The following TRPM2 variants were observed in gnomAD, a reference collection of about 807,000 sequenced individuals.
TRPM2 encodes the protein estrogen-responsive element-associated gene 1 protein.
A neutral mutation model predicts 174.0 loss-of-function variants in TRPM2; 161 were observed. The ratio of observed to expected loss-of-function variants is 0.93; its 90% CI spans 0.81 to 1.05. TRPM2 has a LOEUF of 1.05. Among genes scored for constraint, TRPM2 ranks in the 50% least tolerant of loss-of-function variants. The probability of loss-of-function intolerance (pLI) is 0.00; values close to 1 mark genes in which losing one functional copy is unlikely to be tolerated. For synonymous variants in TRPM2, 954 were observed against 861.3 expected (o/e 1.11, Z -1.88); for missense variants, 2,057 against 2,038.0 (o/e 1.01, Z -0.18).
chr21:44,416,085 G>A (rs1389482924), intron 20 of TRPM2: 4 of 152,132 alleles, frequency 2.6e-5, no homozygotes, highest in African/African-American at 9.7e-5. Context: ...GCACGGCTGC[G>A]GAGCTGTCAT....
chr21:44,407,003 G>T (rs1352802444), intron 19 of TRPM2, among the ~76,000 whole-genome samples: 1 of 150,076 alleles, frequency 6.7e-6, no homozygotes, highest in East Asian at 2.0e-4. Flanking sequence ...CCACGCAGAG[G>T]TCAGAGTGGG....
intron 11 of TRPM2, 55 bp from the exon 12 acceptor site, chr21:44,395,359 A>G (rs1392413100): frequency 1.9e-6 from 3 of 1,593,104 alleles, no homozygotes; most frequent in Admixed American, 1.7e-5. Context: ...AGGCTCCGCC[A>G]GTGACTCTGA....
intron 19 of TRPM2, among the ~76,000 whole-genome samples, chr21:44,413,126 G>A (rs778443899): frequency 4.0e-5 from 6 of 149,936 alleles, no homozygotes; most frequent in South Asian, 2.1e-4. Flanking sequence ...ACAATCACCC[G>A]TTTCACTTGT....
chr21:44,360,052 G>C (rs549447703), intron 2 of TRPM2, among the ~76,000 whole-genome samples: 1 of 152,080 alleles, frequency 6.6e-6, no homozygotes, highest in South Asian at 2.1e-4. Context: ...AGCCTCATCT[G>C]AACTTTTCTA....
Position 44,366,615 on chromosome 21 carries a change from G to C in TRPM2, c.424-139G>C, listed in dbSNP as rs2048369099. 9.1e-6 allele frequency: 10 copies of C among 1,097,874 alleles called. No homozygotes were observed. Among genetic ancestry groups the C allele is most frequent in the Non-Finnish European group, 1.3e-5 (10 of 762,172 alleles). 68.0% of individuals were successfully genotyped at this position (1,097,874 alleles called of 1,614,324 possible). A position where few individuals can be genotyped will look rare whatever the true frequency, so the allele number is the denominator to read the frequency against. ...GTGATCTGTGCCCTGCCCACATGGG[G>C]ACCCCTTTTCTGGGTCTGAGCCGGA... On this transcript the variant is annotated intron_variant, in intron 3 of 31. Transcript: ENST00000397928. This position sits in a 1 kb window ranked among gnomAD's most constrained non-coding sequence, Gnocchi z 6.0.
At position 44,441,960 on chromosome 21, in the gene TRPM2, C is replaced by A; in HGVS notation, c.*143C>A. The A allele has an allele frequency of 8.1e-7, 1 of 1,238,724 alleles. No homozygotes were observed. Among genetic ancestry groups the A allele is most frequent in the Non-Finnish European group, 1.1e-6 (1 of 946,826 alleles). The allele number at this position is 1,238,724 out of a possible 1,614,324, so 76.7% of individuals were successfully genotyped here. On this transcript the variant is annotated 3_prime_UTR_variant, in exon 32 of 32. Coordinates refer to ENST00000397928, the MANE Select transcript of TRPM2 (RefSeq NM_003307.4). Reference sequence around the variant, plus strand: ...TTGGTGGACCCAGTGCCCCTCACGGCTGCCGCAAGTCTGCTGCAGATGACC... The same window carrying A: ...TTGGTGGACCCAGTGCCCCTCACGGATGCCGCAAGTCTGCTGCAGATGACC...
intron 27 of TRPM2, among the ~76,000 whole-genome samples, chr21:44,431,380 C>T (rs2051016391): frequency 6.6e-6 from 1 of 151,744 alleles, no homozygotes. Context: ...CTCAAGCTAT[C>T]CTCCTGCCTC....
chr21:44,381,069 G>A (rs2048866068), intron 8 of TRPM2, among the ~76,000 whole-genome samples: 1 of 152,094 alleles, frequency 6.6e-6, no homozygotes, highest in South Asian at 2.1e-4. Context: ...GTGTTTTGGA[G>A]TTGTCATGAA....
rs946102496 is a variant in TRPM2, at chr21:44,414,075, G to A, written c.3146+1G>A. Reference sequence around the variant, plus strand: ...TCAACCTCCTCATCGCCATGTTCAAGTGAGCGCCTGGGTGGGGCTGGCGTG... The same window carrying A: ...TCAACCTCCTCATCGCCATGTTCAAATGAGCGCCTGGGTGGGGCTGGCGTG... On this transcript the variant is annotated splice_donor_variant, in intron 20 of 31. Coordinates refer to ENST00000397928, the MANE Select transcript of TRPM2 (RefSeq NM_003307.4). LOFTEE classifies it high-confidence loss of function. 2 of 1,609,668 alleles carry A rather than the reference G, an allele frequency of 1.2e-6. No individual in the cohort carries two copies. The highest frequency in any genetic ancestry group is 1.7e-5 in the Admixed American group (1 of 59,984).
rs2051383053 is a variant in TRPM2 at position 44,438,937 on chromosome 21, G to A, written c.4168-130G>A. 6 of 658,458 alleles carry A rather than the reference G, an allele frequency of 9.1e-6. No individual in the cohort carries two copies. Among genetic ancestry groups the A allele is most frequent in the South Asian group, 1.8e-5 (1 of 55,510 alleles). The allele number at this position is 658,458 out of a possible 1,614,324, so 40.8% of individuals were successfully genotyped here. A position where few individuals can be genotyped will look rare whatever the true frequency, so the allele number is the denominator to read the frequency against. On this transcript the variant is annotated intron_variant, in intron 29 of 31. Transcript: ENST00000397928. The surrounding 1 kb of genome is among the most constrained non-coding windows in gnomAD (Gnocchi z 5.9). ...CAATGTCACTGCAGCCTGAGATGCCGCCTGCCTGTGGCTCCCAGGGCTGGG... is the reference window on the plus strand; with the variant it reads ...CAATGTCACTGCAGCCTGAGATGCCACCTGCCTGTGGCTCCCAGGGCTGGG...
In TRPM2 at chr21:44,358,804, G is replaced by C. The variant is rs187524120; in HGVS notation, c.254+4068G>C. Among the ~76,000 whole-genome samples the C allele has an allele frequency of 5.1e-3, 781 of 152,236 alleles. 11 individuals carry two copies. The highest frequency in any genetic ancestry group is 0.016 in the African/African-American group (685 of 41,522). On this transcript the variant is annotated intron_variant, in intron 2 of 31. Coordinates refer to ENST00000397928, the MANE Select transcript of TRPM2 (RefSeq NM_003307.4). ...TTGTGTCCGGAGTTGGTTCCTTCCC[G>C]GGGGTCTTGGTCTCGCTGACTTCAA...
chr21:44,377,723 A>T lies in TRPM2; in HGVS notation c.964A>T (p.Lys322Ter), dbSNP rs987304968. ...QTKERGGVAI[K>*]IPIVCVVLEG... ...TGTGCTTTTTCTAGGTGTGGCCATC[A>T]AGATCCCCATCGTGTGCGTGGTGCT... The change falls in exon 7 of 32, where the codon AAG becomes TAG. Residue 322 changes from lysine to a stop codon, truncating the protein, a stop_gained. Transcript: ENST00000397928. LOFTEE classifies it high-confidence loss of function. 2 of 1,614,148 alleles carry T rather than the reference A, an allele frequency of 1.2e-6. No homozygotes were observed. Among genetic ancestry groups the T allele is most frequent in the African/African-American group, 2.7e-5 (2 of 75,064 alleles).
chr21:44,351,431 C>T (rs1379263268), upstream of TRPM2, among the ~76,000 whole-genome samples: 2 of 152,240 alleles, frequency 1.3e-5, no homozygotes, highest in Admixed American at 1.3e-4. Flanking sequence ...AATCCACCCA[C>T]ATGGGGCCTT....
chr21:44,400,295 G>T lies in TRPM2; in HGVS notation c.2245G>T (p.Val749Leu). 1 of 1,612,852 alleles carries T rather than the reference G, an allele frequency of 6.2e-7. No individual in the cohort carries two copies. Among genetic ancestry groups the T allele is most frequent in the East Asian group, 2.2e-5 (1 of 44,880 alleles). ...LTKVWWGQLS[V>L]DNGLWRVTLC... Reference sequence around the variant, plus strand: ...CAAGGTGTGGTGGGGCCAGCTCTCCGTGGACAATGGGCTGTGGCGTGTGAC... The same window carrying T: ...CAAGGTGTGGTGGGGCCAGCTCTCCTTGGACAATGGGCTGTGGCGTGTGAC... The change falls in exon 15 of 32, where the codon GTG becomes TTG. Residue 749 changes from valine (V) to leucine (L), a missense_variant. Transcript: ENST00000397928.
Position 44,353,760 on chromosome 21 carries a change from G to GC in TRPM2, c.63dup (p.Arg22GlnfsTer5). 6.3e-7 allele frequency: 1 copy of GC among 1,599,042 alleles called. No individual in the cohort carries two copies. The highest frequency in any genetic ancestry group is 1.1e-5 in the South Asian group (1 of 88,860). On this transcript the variant is annotated frameshift_variant, in exon 1 of 32. Coordinates refer to ENST00000397928, the MANE Select transcript of TRPM2 (RefSeq NM_003307.4). LOFTEE classifies it high-confidence loss of function. ...AGCAGGAGGAGGGCTTTGAGGGGCT[G>GC]CCCAGAAGGGTCACTGACCTGGGGA...
At chr21:44,382,626 TG>T in intron 8 of TRPM2, 91 bp from the exon 9 acceptor site, 1 of 1,247,356 alleles carries the variant, frequency 8.0e-7, no homozygotes, top group Non-Finnish European at 1.1e-6. Flanking sequence ...CCCAAGGCTC[TG>T]GCTGTGTCCG....
At chr21:44,370,230 C>A (rs1439676647) in intron 5 of TRPM2, among the ~76,000 whole-genome samples, 1 of 152,120 alleles carries the variant, frequency 6.6e-6, no homozygotes, top group African/African-American at 2.4e-5. Context: ...TGGGGCTGAG[C>A]CAGGGCGATC....
chr21:44,436,941 C>A, intron 28 of TRPM2, 121 bp from the exon 29 acceptor site: 1 of 759,784 alleles, frequency 1.3e-6, no homozygotes, highest in Non-Finnish European at 2.1e-6. Context: ...AAAAAGAACA[C>A]GGTTTGAGCC....
rs1027229961 is a variant in TRPM2 at position 44,354,782 on chromosome 21, G to C, written c.254+46G>C. On this transcript the variant is annotated intron_variant, in intron 2 of 31. Transcript: ENST00000397928. This position sits in a 1 kb window ranked among gnomAD's most constrained non-coding sequence, Gnocchi z 4.3. Reference sequence around the variant, plus strand: ...GTAAGACCTCTGACTTCTTCCTTCCGATCCCACATGGAGTAGCTGATCAGG... The same window carrying C: ...GTAAGACCTCTGACTTCTTCCTTCCCATCCCACATGGAGTAGCTGATCAGG... 6.4e-7 allele frequency: 1 copy of C among 1,570,120 alleles called. No individual in the cohort carries two copies. The highest frequency in any genetic ancestry group is 8.8e-7 in the Non-Finnish European group (1 of 1,139,938).
Sources: gnomAD v4.1 joint callset for allele counts (sites outside exome capture counted in the v4.1 genomes callset) on GRCh38, gnomAD v4.1.1 for gene constraint, Gnocchi (gnomAD v3.1) non-coding constraint, MANE v1.5 for transcripts, NCBI Gene and HGNC (gene_info 2026-07-23, HGNC 2026-07-21) for gene names.